The following SPMIP1 variants were observed in gnomAD, a reference collection of about 807,000 sequenced individuals.
SPMIP1 encodes sperm microtubule inner protein 1.
the SPMIP1 span, chr7:128,868,734 G>A: frequency 6.5e-7 from 1 of 1,535,884 alleles, no homozygotes; most frequent in Non-Finnish European, 8.7e-7. Context: ...CCGCAAGAAC[G>A]GGGCCTTCGC....
chr7:128,869,628 G>C, the SPMIP1 span: 1 of 152,126 alleles, frequency 6.6e-6, no homozygotes, highest in Non-Finnish European at 1.5e-5. Flanking sequence ...CACACCCGGA[G>C]CCGCTGCTGC....
the SPMIP1 span, chr7:128,870,616 A>T: frequency 1.3e-5 from 2 of 152,238 alleles, no homozygotes; most frequent in Non-Finnish European, 2.9e-5. Flanking sequence ...CTTCAAGGGC[A>T]TCTTGGGAAG....
the SPMIP1 span, among the ~76,000 whole-genome samples, chr7:128,867,960 G>A: frequency 6.6e-6 from 1 of 152,210 alleles, no homozygotes; most frequent in East Asian, 1.9e-4. Context: ...GCCAGAGCGG[G>A]TAGGGGATGT....
the SPMIP1 span, among the ~76,000 whole-genome samples, chr7:128,868,201 A>G: frequency 6.6e-6 from 1 of 152,244 alleles, no homozygotes; most frequent in Non-Finnish European, 1.5e-5. Context: ...ACCCTTCTCC[A>G]GCTGCTTGAG....
the SPMIP1 span, chr7:128,871,528 A>G: frequency 2.0e-5 from 3 of 152,216 alleles, no homozygotes; most frequent in African/African-American, 7.2e-5. Flanking sequence ...TTCATAATTA[A>G]CAAAAGAAAT....
chr7:128,870,998 TGTA>T, the SPMIP1 span: 2 of 152,312 alleles, frequency 1.3e-5, no homozygotes, highest in Admixed American at 6.5e-5. Flanking sequence ...GTTGAGCTCT[TGTA>T]AGGAGCCTGA....
chr7:128,870,085 C>G, the SPMIP1 span: 7 of 152,294 alleles, frequency 4.6e-5, no homozygotes, highest in African/African-American at 7.2e-5. Flanking sequence ...TTGCCACCGC[C>G]GGTGCCGACC....
chr7:128,869,199 C>G, the SPMIP1 span: 9 of 282,534 alleles, frequency 3.2e-5, no homozygotes, highest in East Asian at 4.1e-4. Flanking sequence ...CGTCCTCTCC[C>G]GATGCATTTG....
chr7:128,867,891 A>C, the SPMIP1 span, among the ~76,000 whole-genome samples: 1 of 152,108 alleles, frequency 6.6e-6, no homozygotes, highest in Non-Finnish European at 1.5e-5. Flanking sequence ...TAAATCCATG[A>C]GATCTCCTAG....
At chr7:128,870,055 C>T in the SPMIP1 span, 1 of 152,256 alleles carries the variant, frequency 6.6e-6, no homozygotes, top group Non-Finnish European at 1.5e-5. Flanking sequence ...CCCACGCCCC[C>T]TCCCGGGCGG....
the SPMIP1 span, chr7:128,868,675 T>G: frequency 6.5e-7 from 1 of 1,534,578 alleles, no homozygotes; most frequent in Non-Finnish European, 8.7e-7. Flanking sequence ...GGCCCCCCAG[T>G]GAAGCAAGAA....
the SPMIP1 span, chr7:128,868,742 C>G: frequency 6.5e-7 from 1 of 1,535,782 alleles, no homozygotes; most frequent in African/African-American, 1.4e-5. Flanking sequence ...ACGGGGCCTT[C>G]GCACTGCTTG....
chr7:128,871,697 G>A, the SPMIP1 span: 1 of 152,204 alleles, frequency 6.6e-6, no homozygotes, highest in Non-Finnish European at 1.5e-5. Context: ...ATATACAGAC[G>A]TGTGAATATT....
the SPMIP1 span, chr7:128,869,509 G>T: frequency 4.6e-5 from 7 of 152,298 alleles, no homozygotes; most frequent in African/African-American, 1.7e-4. Flanking sequence ...GGCAGTGGCG[G>T]TTCCTGGCGA....
At chr7:128,872,025 T>C in the SPMIP1 span, 2 of 152,272 alleles carry the variant, frequency 1.3e-5, no homozygotes, top group East Asian at 3.8e-4. Flanking sequence ...ATGGCTTTGC[T>C]AGATCTATTA....
chr7:128,869,707 C>G, the SPMIP1 span: 1 of 152,240 alleles, frequency 6.6e-6, no homozygotes, highest in East Asian at 1.9e-4. Context: ...GCAGAGCCGT[C>G]ACCTGCTGCG....
At chr7:128,871,285 G>A in the SPMIP1 span, 1 of 152,184 alleles carries the variant, frequency 6.6e-6, no homozygotes, top group East Asian at 1.9e-4. Context: ...ACCACAGGAG[G>A]CCTGGGAGTG....
At chr7:128,867,056 G>C in the SPMIP1 span, among the ~76,000 whole-genome samples, 2 of 152,254 alleles carry the variant, frequency 1.3e-5, no homozygotes, top group Admixed American at 6.5e-5. Context: ...CCGAGGCTGA[G>C]AGCCAGATGA....
the SPMIP1 span, chr7:128,866,377 G>A: frequency 6.7e-7 from 1 of 1,488,938 alleles, no homozygotes; most frequent in Non-Finnish European, 8.9e-7. Context: ...CCTCAGCTGT[G>A]GCCACCCTGG....
Sources: allele counts gnomAD v4.1 joint callset (sites outside exome capture counted in the v4.1 genomes callset), GRCh38; gene constraint gnomAD v4.1.1; transcripts MANE v1.5; gene names NCBI Gene and HGNC (gene_info 2026-07-23, HGNC 2026-07-21).